RPTOR: variants seen among roughly 807,000 people sequenced by gnomAD.
RPTOR encodes regulatory-associated protein of mTOR.
Under a neutral mutation model 169.9 loss-of-function variants are expected in RPTOR, and 21 were observed. That is an observed-to-expected ratio of 0.12 (90% CI 0.09 to 0.18). The LOEUF (loss-of-function observed/expected upper bound fraction) is 0.18, where lower values mean the gene tolerates loss of function less well. Among genes scored for constraint, RPTOR ranks in the 10% least tolerant of loss-of-function variants. The probability of loss-of-function intolerance (pLI) is 1.00; values close to 1 mark genes in which losing one functional copy is unlikely to be tolerated. For synonymous variants in RPTOR, 732 were observed against 753.2 expected (o/e 0.97, Z 0.46); for missense variants, 1,133 against 1,855.9 (o/e 0.61, Z 7.16).
chr17:80,949,537 A>G lies in RPTOR; in HGVS notation c.3360A>G (p.Pro1120=). Residue 1120 remains proline (P), a synonymous_variant, in exon 28 of 34, where the codon CCA becomes CCG. Coordinates refer to ENST00000306801, the MANE Select transcript of RPTOR (RefSeq NM_020761.3). ...GGCAGGGGCTCTCGGACATGCTGCC[A>G]ACGACGCGAGGTGGGTCCGCCCGGC... ...TAWQGLSDML[P]TTRGAGMVVD... 1 of 1,613,824 alleles carries G rather than the reference A, an allele frequency of 6.2e-7. No homozygotes were observed. Among genetic ancestry groups the G allele is most frequent in the Non-Finnish European group, 8.5e-7 (1 of 1,179,986 alleles).
intron 9 of RPTOR, among the ~76,000 whole-genome samples, chr17:80,830,699 A>G (rs922664584): frequency 1.3e-5 from 2 of 151,676 alleles, no homozygotes; most frequent in African/African-American, 4.9e-5. Context: ...TCGCAGGTGC[A>G]CTGCTCCTCA....
intron 33 of RPTOR, 79 bp from the exon 34 acceptor site, chr17:80,964,183 G>T: frequency 1.7e-6 from 2 of 1,146,256 alleles, no homozygotes; most frequent in South Asian, 1.2e-5. Flanking sequence ...CTAAGGATGC[G>T]GGTTGGCCTG....
At chr17:80,756,848 C>T (rs2066685411) in intron 6 of RPTOR, among the ~76,000 whole-genome samples, 1 of 151,604 alleles carries the variant, frequency 6.6e-6, no homozygotes, top group African/African-American at 2.4e-5. Flanking sequence ...TTAAAGAATA[C>T]AAAAAAAATT....
chr17:80,743,368 G>C, intron 5 of RPTOR: 4 of 985,532 alleles, frequency 4.1e-6, no homozygotes, highest in Non-Finnish European at 4.8e-6. Flanking sequence ...ACCGAGGGAG[G>C]CCTGAAGGAG....
chr17:80,953,328 G>A (rs1294020554), intron 28 of RPTOR, among the ~76,000 whole-genome samples: 1 of 152,340 alleles, frequency 6.6e-6, no homozygotes, highest in East Asian at 1.9e-4. Context: ...GGAATGCAGT[G>A]GCACCATCAC....
At chr17:80,655,184 C>G (rs1330833007) in intron 3 of RPTOR, among the ~76,000 whole-genome samples, 2 of 152,084 alleles carry the variant, frequency 1.3e-5, no homozygotes, top group African/African-American at 4.8e-5. Flanking sequence ...CTCCTGGGCC[C>G]AAGTGATTCT....
At chr17:80,703,802 C>T (rs1000821109) in intron 3 of RPTOR, among the ~76,000 whole-genome samples, 14 of 152,152 alleles carry the variant, frequency 9.2e-5, no homozygotes, top group Non-Finnish European at 1.6e-4. Flanking sequence ...ACCAAGTTAG[C>T]CAGGACACTT....
At chr17:80,620,316 T>C (rs963275885) in intron 1 of RPTOR, among the ~76,000 whole-genome samples, 1 of 152,206 alleles carries the variant, frequency 6.6e-6, no homozygotes, top group Non-Finnish European at 1.5e-5. Context: ...TATTATGCAG[T>C]TTTTGGCACA....
At position 80,685,272 on chromosome 17, in the gene RPTOR, T is replaced by A. The variant is rs549626641; in HGVS notation, c.349-22569T>A. Among the ~76,000 whole-genome samples the A allele has an allele frequency of 2.9e-4, 44 of 151,484 alleles. No homozygotes were observed. The South Asian group carries it at 9.2e-3, about 32-fold the overall frequency. On this transcript the variant is annotated intron_variant, in intron 3 of 33. Transcript: ENST00000306801. ...GAAATGCTCTCGGTGTAGTTTTAAT[T>A]TGAATTATTTTTATTGTAAGTGAGT...
At chr17:80,794,603 C>T (rs150734011) in intron 7 of RPTOR, among the ~76,000 whole-genome samples, 112 of 152,296 alleles carry the variant, frequency 7.4e-4, no homozygotes, top group African/African-American at 2.6e-3. Context: ...ACACAAAAAC[C>T]TGTGCGTGAA....
intron 19 of RPTOR, among the ~76,000 whole-genome samples, chr17:80,893,344 CCAGGGTGTGTGTGTG>C (rs1046646557): frequency 1.0e-4 from 14 of 136,210 alleles, no homozygotes; most frequent in Admixed American, 5.8e-4. Context: ...TGTGTGTGCG[CCAGGGTGTGTGTGTG>C]CTGGGTGTGT....
At chr17:80,639,507 T>G (rs1372738847) in intron 2 of RPTOR, among the ~76,000 whole-genome samples, 1 of 152,040 alleles carries the variant, frequency 6.6e-6, no homozygotes, top group Non-Finnish European at 1.5e-5. Flanking sequence ...TCTTGTCCCC[T>G]TTGGGTCCCC....
At chr17:80,876,438 GTGT>G (rs1409895708) in intron 13 of RPTOR, among the ~76,000 whole-genome samples, 368 of 4,246 alleles carry the variant, frequency 0.087, 143 homozygotes, top group Middle Eastern at 0.5. Context: ...GTCGCCTGCC[GTGT>G]CTTCCCACCG....
intron 10 of RPTOR, among the ~76,000 whole-genome samples, chr17:80,843,368 C>G (rs1234113793): frequency 6.6e-6 from 1 of 152,064 alleles, no homozygotes; most frequent in African/African-American, 2.4e-5. Flanking sequence ...TTGCAGTGAG[C>G]CAAGATCATG....
At chr17:80,816,247 T>C (rs1040109484) in intron 7 of RPTOR, among the ~76,000 whole-genome samples, 4 of 152,356 alleles carry the variant, frequency 2.6e-5, no homozygotes, top group African/African-American at 9.6e-5. Flanking sequence ...CCGAGAATGC[T>C]GTCTGGACGC....
At chr17:80,629,490 A>G (rs1487114164) in intron 2 of RPTOR, among the ~76,000 whole-genome samples, 2 of 150,694 alleles carry the variant, frequency 1.3e-5, no homozygotes, top group Non-Finnish European at 2.9e-5. Context: ...GCTGTTGGAC[A>G]TTGTACCACA....
chr17:80,748,454 G>A lies in RPTOR; in HGVS notation c.655-5556G>A, dbSNP rs182014727. 1.1e-3 allele frequency among the ~76,000 whole-genome samples: 41 copies of A among 37,024 alleles called. 3 individuals are homozygous for A. Among genetic ancestry groups the A allele is most frequent in the African/African-American group, 4.2e-3 (25 of 5,968 alleles). The allele number at this position is 37,024 out of a possible 152,430, so 24.3% of individuals were successfully genotyped here. A position where few individuals can be genotyped will look rare whatever the true frequency, so the allele number is the denominator to read the frequency against. Reference sequence around the variant, plus strand: ...GCGGGAGGGCCTGTTGGGTGGATGGGGGGGCTGCGGTGTGTGTTTGGAAGC... The same window carrying A: ...GCGGGAGGGCCTGTTGGGTGGATGGAGGGGCTGCGGTGTGTGTTTGGAAGC... On this transcript the variant is annotated intron_variant, in intron 5 of 33. Transcript: ENST00000306801.
intron 3 of RPTOR, among the ~76,000 whole-genome samples, chr17:80,683,473 CT>C (rs1339185735): frequency 1.3e-5 from 2 of 152,214 alleles, no homozygotes; most frequent in Admixed American, 1.3e-4. Flanking sequence ...GTTGTTTTCC[CT>C]TTGTAAGTAA....
chr17:80,915,247 C>T (rs571704537), intron 21 of RPTOR, among the ~76,000 whole-genome samples: 2 of 138,204 alleles, frequency 1.4e-5, no homozygotes, highest in East Asian at 2.2e-4. Flanking sequence ...GAGCAGACGT[C>T]GGGAAAACCA....
Sources: allele counts gnomAD v4.1 joint callset (sites outside exome capture counted in the v4.1 genomes callset), GRCh38; gene constraint gnomAD v4.1.1; transcripts MANE v1.5; gene names NCBI Gene and HGNC (gene_info 2026-07-23, HGNC 2026-07-21).